PBX3: variants seen among roughly 807,000 people sequenced by gnomAD.
PBX3 encodes pre-B-cell leukemia transcription factor 3.
In PBX3, 14 loss-of-function variants were observed where a neutral mutation model predicts 48.5. The ratio of observed to expected loss-of-function variants is 0.29; its 90% CI spans 0.19 to 0.45. The LOEUF is 0.45. Ranked by LOEUF, PBX3 falls within the 20% of genes least tolerant of loss-of-function variation. The pLI is 1.00. For synonymous variants in PBX3, 210 were observed against 200.3 expected (o/e 1.05, Z -0.41); for missense variants, 386 against 546.7 (o/e 0.71, Z 2.93).
At chr9:125,771,669 T>C (rs1836943505) in intron 2 of PBX3, among the ~76,000 whole-genome samples, 1 of 152,192 alleles carries the variant, frequency 6.6e-6, no homozygotes, top group African/African-American at 2.4e-5. Context: ...ATCTATTAAA[T>C]GAAATAATTT....
At chr9:125,766,681 CAAAT>C (rs1041061289) in intron 2 of PBX3, among the ~76,000 whole-genome samples, 2 of 152,050 alleles carry the variant, frequency 1.3e-5, no homozygotes, top group African/African-American at 4.8e-5. Context: ...TTTTGACTCT[CAAAT>C]AAGTTCTTCT....
chr9:125,798,084 G>A (rs1172528958), intron 2 of PBX3, among the ~76,000 whole-genome samples: 1 of 151,990 alleles, frequency 6.6e-6, no homozygotes, highest in Non-Finnish European at 1.5e-5. Flanking sequence ...GCAAACATAC[G>A]TTTCTGTATA....
chr9:125,830,331 A>G (rs901326069), intron 2 of PBX3, among the ~76,000 whole-genome samples: 8 of 152,196 alleles, frequency 5.3e-5, no homozygotes, highest in African/African-American at 1.9e-4. Flanking sequence ...ATGAAGAATT[A>G]TAGATACAAT....
chr9:125,903,968 A>G (rs908561932), intron 2 of PBX3, among the ~76,000 whole-genome samples: 5 of 151,828 alleles, frequency 3.3e-5, no homozygotes, highest in Non-Finnish European at 7.4e-5. Flanking sequence ...TGGGCTTAAT[A>G]ATAGTACCTG....
intron 2 of PBX3, among the ~76,000 whole-genome samples, chr9:125,858,200 GA>G (rs1199979675): frequency 1.3e-5 from 2 of 152,086 alleles, no homozygotes; most frequent in East Asian, 3.9e-4. Context: ...CCCATCACTA[GA>G]AAAAAATTAA....
At chr9:125,865,320 A>G (rs1161850234) in intron 2 of PBX3, 1 of 169,106 alleles carries the variant, frequency 5.9e-6, no homozygotes, top group Non-Finnish European at 1.5e-5. Context: ...GTATGTTCTT[A>G]TATTAGGCCT....
chr9:125,919,056 G>A (rs563444363), intron 3 of PBX3, among the ~76,000 whole-genome samples: 1 of 152,266 alleles, frequency 6.6e-6, no homozygotes, highest in African/African-American at 2.4e-5. Context: ...AGAATCAGAC[G>A]TTGAAATCAG....
intron 2 of PBX3, chr9:125,748,910 CT>C (rs938874639): frequency 3.2e-6 from 1 of 309,354 alleles, no homozygotes; most frequent in Non-Finnish European, 6.1e-6. Context: ...GCCAGCCGCC[CT>C]CTTCCCTCTC....
intron 2 of PBX3, among the ~76,000 whole-genome samples, chr9:125,900,108 T>C (rs887809348): frequency 3.3e-5 from 5 of 151,740 alleles, no homozygotes; most frequent in African/African-American, 1.2e-4. Flanking sequence ...CTAATTTGGG[T>C]GAGTCAAATA....
chr9:125,837,591 A>G (rs1244373192), intron 2 of PBX3, among the ~76,000 whole-genome samples: 2 of 152,082 alleles, frequency 1.3e-5, no homozygotes, highest in Admixed American at 6.6e-5. Flanking sequence ...AATCTAAATG[A>G]TAATACTTAA....
intron 2 of PBX3, among the ~76,000 whole-genome samples, chr9:125,829,127 A>G (rs546962520): frequency 2.0e-5 from 3 of 152,186 alleles, no homozygotes; most frequent in Admixed American, 6.5e-5. Context: ...AGAAAGTGCA[A>G]CTTTATCAAT....
In PBX3 at chr9:125,967,230, T is replaced by C. The variant is rs1298155516; in HGVS notation, c.*1307T>C. 6.6e-6 allele frequency: 1 copy of C among 152,654 alleles called. No homozygotes were observed. The highest frequency in any genetic ancestry group is 1.5e-5 in the Non-Finnish European group (1 of 68,052). The allele number at this position is 152,654 out of a possible 1,614,324, so 9.5% of individuals were successfully genotyped here. A position where few individuals can be genotyped will look rare whatever the true frequency, so the allele number is the denominator to read the frequency against. On this transcript the variant is annotated 3_prime_UTR_variant, in exon 9 of 9. Transcript: ENST00000373489. ...TGCGATTCTGAAACTGATTGAGTCA[T>C]GAAAATAATTTGTGGCGGTGATTCT...
intron 3 of PBX3, among the ~76,000 whole-genome samples, chr9:125,929,085 T>A (rs919663513): frequency 5.9e-5 from 9 of 152,234 alleles, no homozygotes; most frequent in African/African-American, 2.2e-4. Flanking sequence ...TGCTACCTAT[T>A]GTTTAAAGCT....
rs1023787235 is a variant in PBX3 at position 125,760,236 on chromosome 9, G to GA, written c.274+11620dup. Reference sequence around the variant, plus strand: ...ATCTCAACATTTTTCTCTTAAAATAGAAAAAAAGTCATAAATTCCCTATTT... The same window carrying GA: ...ATCTCAACATTTTTCTCTTAAAATAGAAAAAAAAGTCATAAATTCCCTATTT... On this transcript the variant is annotated intron_variant, in intron 2 of 8. Transcript: ENST00000373489. Among the ~76,000 whole-genome samples the GA allele has an allele frequency of 9.9e-5, 15 of 152,084 alleles. 1 individual carries two copies. The highest frequency in any genetic ancestry group is 2.2e-4 in the Non-Finnish European group (15 of 67,996).
intron 2 of PBX3, among the ~76,000 whole-genome samples, chr9:125,781,409 ACT>A (rs1227007823): frequency 6.6e-6 from 1 of 151,584 alleles, no homozygotes; most frequent in East Asian, 2.0e-4. Flanking sequence ...AATCGCAGGC[ACT>A]CGGCCGGCTG....
intron 2 of PBX3, among the ~76,000 whole-genome samples, chr9:125,754,143 T>C (rs1836449019): frequency 6.6e-6 from 1 of 152,108 alleles, no homozygotes; most frequent in Non-Finnish European, 1.5e-5. Flanking sequence ...TTTTAGATTA[T>C]CTTTTCCCTA....
At chr9:125,864,988 T>C (rs1241852243) in intron 2 of PBX3, among the ~76,000 whole-genome samples, 1 of 152,254 alleles carries the variant, frequency 6.6e-6, no homozygotes. Context: ...CATTTTGTCT[T>C]TTATTTTTAT....
chr9:125,861,547 C>T (rs914529242), intron 2 of PBX3, among the ~76,000 whole-genome samples: 1 of 152,016 alleles, frequency 6.6e-6, no homozygotes, highest in African/African-American at 2.4e-5. Context: ...AGCAGCATTA[C>T]TCATAATAGC....
chr9:125,953,163 T>C (rs1277192575), intron 5 of PBX3, among the ~76,000 whole-genome samples: 1 of 152,074 alleles, frequency 6.6e-6, no homozygotes, highest in African/African-American at 2.4e-5. Flanking sequence ...ATTTAATCTC[T>C]CTCTCTCTCT....
Sources: gnomAD v4.1 joint callset for allele counts (sites outside exome capture counted in the v4.1 genomes callset) on GRCh38, gnomAD v4.1.1 for gene constraint, MANE v1.5 for transcripts, NCBI Gene and HGNC (gene_info 2026-07-23, HGNC 2026-07-21) for gene names.